Variants in PRDM6 observed in about 807,000 individuals in gnomAD.
PRDM6 encodes PR/SET domain 6.
A neutral mutation model predicts 60.8 loss-of-function variants in PRDM6; 25 were observed. That is an observed-to-expected ratio of 0.41 (90% confidence interval 0.30 to 0.57). The LOEUF (loss-of-function observed/expected upper bound fraction) is 0.57. PRDM6 is among the 20% of genes least tolerant of loss of function. The probability of loss-of-function intolerance (pLI) is 0.27; values close to 1 mark genes in which losing one functional copy is unlikely to be tolerated. For missense variants in PRDM6, 839 were observed against 821.3 expected (o/e 1.02, Z -0.26); for synonymous variants, 407 against 357.4 (o/e 1.14, Z -1.57).
chr5:123,097,348 G>A (rs1470064571), intron 2 of PRDM6, among the ~76,000 whole-genome samples: 1 of 152,172 alleles, frequency 6.6e-6, no homozygotes, highest in African/African-American at 2.4e-5. Flanking sequence ...TCATGAGTTT[G>A]AATGTTAAAT....
At chr5:123,164,785 C>T (rs955383202) in intron 5 of PRDM6, among the ~76,000 whole-genome samples, 1 of 152,100 alleles carries the variant, frequency 6.6e-6, no homozygotes, top group Non-Finnish European at 1.5e-5. Context: ...GTGCTCATTC[C>T]GACTGTTTGT....
chr5:123,136,177 C>A (rs1007394802), intron 3 of PRDM6, among the ~76,000 whole-genome samples: 1 of 152,094 alleles, frequency 6.6e-6, no homozygotes, highest in Non-Finnish European at 1.5e-5. Context: ...TATATTTCAA[C>A]CCCATCCCTC....
intron 3 of PRDM6, among the ~76,000 whole-genome samples, chr5:123,123,957 G>A (rs565503147): frequency 6.7e-6 from 1 of 149,872 alleles, no homozygotes; most frequent in Admixed American, 6.7e-5. Flanking sequence ...AAAAACTGGA[G>A]AATCCATGGT....
rs1763790002 is a variant in PRDM6, at chr5:123,090,246, T to G, written c.232T>G (p.Ser78Ala). The change falls in exon 2 of 8, where the codon TCC (serine) becomes GCC (alanine). Residue 78 changes from serine (S) to alanine (A), a missense_variant. Ser to Ala is a moderately conservative substitution (Grantham distance 99). This residue lies in a region of PRDM6 where 730 missense variants were observed against 648.8 expected (regional missense o/e 1.13). Transcript: ENST00000407847. ...SLRPRPASLSSASSTPASSST... is the reference protein window; with the variant it reads ...SLRPRPASLSAASSTPASSST... ...GCGCCCGCGGCCCGCCTCTCTCTCC[T>G]CCGCCTCGTCCACGCCGGCTTCCTC... The G allele has an allele frequency of 1.3e-6, 2 of 1,485,072 alleles. No individual in the cohort carries two copies. The highest frequency in any genetic ancestry group is 2.3e-5 in the Admixed American group (1 of 44,160). 92.0% of individuals were successfully genotyped at this position (1,485,072 alleles called of 1,614,324 possible).
At chr5:123,151,636 C>G (rs1447038728) in intron 3 of PRDM6, among the ~76,000 whole-genome samples, 1 of 152,124 alleles carries the variant, frequency 6.6e-6, no homozygotes, top group Non-Finnish European at 1.5e-5. Context: ...AGGTCCCTTC[C>G]AAATCTGATT....
In PRDM6 at chr5:123,159,665, CA is replaced by C. The variant is rs1561865032; in HGVS notation, c.1153+28del. 2.6e-6 allele frequency: 4 copies of C among 1,548,682 alleles called. No homozygotes were observed. The South Asian group carries it at 4.8e-5, about 19-fold the overall frequency. On this transcript the variant is annotated intron_variant, in intron 5 of 7. Transcript: ENST00000407847. Reference sequence around the variant, plus strand: ...TAAGAATTTATTTTAGCTCTGAATTCACATTTCAATATACCTATTTCAAAGC... The same window carrying C: ...TAAGAATTTATTTTAGCTCTGAATTCCATTTCAATATACCTATTTCAAAGC...
chr5:123,166,230 C>T (rs1336996054), intron 5 of PRDM6, among the ~76,000 whole-genome samples: 1 of 152,146 alleles, frequency 6.6e-6, no homozygotes, highest in Non-Finnish European at 1.5e-5. Context: ...GCCCTGAGCT[C>T]CTTCCTACTT....
intron 3 of PRDM6, among the ~76,000 whole-genome samples, chr5:123,153,954 G>T (rs905870706): frequency 2.0e-5 from 3 of 152,150 alleles, no homozygotes; most frequent in African/African-American, 7.2e-5. Flanking sequence ...CTTGAGGGAA[G>T]GGAGGGTAGG....
chr5:123,150,083 G>A (rs1453791111), intron 3 of PRDM6, among the ~76,000 whole-genome samples: 1 of 152,130 alleles, frequency 6.6e-6, no homozygotes, highest in East Asian at 1.9e-4. Flanking sequence ...GGCTGGCTAT[G>A]TTCTTTGAGC....
At chr5:123,135,489 A>G (rs976365098) in intron 3 of PRDM6, among the ~76,000 whole-genome samples, 2 of 152,212 alleles carry the variant, frequency 1.3e-5, no homozygotes, top group Non-Finnish European at 2.9e-5. Context: ...GGCTGAGCTC[A>G]GCTTTGTATT....
chr5:123,113,066 G>A (rs1332730849), intron 3 of PRDM6, among the ~76,000 whole-genome samples: 1 of 151,986 alleles, frequency 6.6e-6, no homozygotes, highest in Admixed American at 6.6e-5. Context: ...AAAAATTGAA[G>A]GACGTTAGTG....
At chr5:123,100,079 GC>G in intron 3 of PRDM6, 118 bp downstream of exon 3, 1 of 1,079,564 alleles carries the variant, frequency 9.3e-7, no homozygotes, top group Non-Finnish European at 1.3e-6. Context: ...GCCTCCCTTG[GC>G]CCCCAGAGGG....
chr5:123,161,662 C>CGGCTGAGT (rs1188138186), intron 5 of PRDM6, among the ~76,000 whole-genome samples: 3 of 152,066 alleles, frequency 2.0e-5, no homozygotes, highest in African/African-American at 4.8e-5. Flanking sequence ...AGCATGGGTG[C>CGGCTGAGT]GGCTGAGTGA....
At chr5:123,092,288 A>G (rs1197540412) in intron 2 of PRDM6, among the ~76,000 whole-genome samples, 7 of 152,220 alleles carry the variant, frequency 4.6e-5, no homozygotes, top group Admixed American at 4.6e-4. Flanking sequence ...ACTGCCTTGG[A>G]AAAGGTATGT....
chr5:123,125,265 C>T (rs535223315), intron 3 of PRDM6, among the ~76,000 whole-genome samples: 1 of 151,952 alleles, frequency 6.6e-6, no homozygotes, highest in East Asian at 1.9e-4. Flanking sequence ...CTCAGCTGGG[C>T]TTATAGTACA....
chr5:123,133,126 A>C (rs1412835287), intron 3 of PRDM6, among the ~76,000 whole-genome samples: 1 of 152,122 alleles, frequency 6.6e-6, no homozygotes, highest in Non-Finnish European at 1.5e-5. Context: ...ACAGTGTGAG[A>C]GGCCTGTGAA....
At chr5:123,137,750 G>A (rs1009654729) in intron 3 of PRDM6, among the ~76,000 whole-genome samples, 11 of 151,734 alleles carry the variant, frequency 7.2e-5, no homozygotes, top group African/African-American at 2.4e-4. Flanking sequence ...TAACAGACCT[G>A]CACGTTCTGC....
chr5:123,135,882 C>T (rs1173929754), intron 3 of PRDM6, among the ~76,000 whole-genome samples: 1 of 152,182 alleles, frequency 6.6e-6, no homozygotes, highest in Non-Finnish European at 1.5e-5. Flanking sequence ...TGGAGATCAA[C>T]ATAATCACTT....
chr5:123,170,782 G>T lies in PRDM6; in HGVS notation c.1170G>T (p.Thr390=). 7.1e-6 allele frequency: 11 copies of T among 1,550,282 alleles called. No individual in the cohort carries two copies. The highest frequency in any genetic ancestry group is 9.6e-6 in the Non-Finnish European group (11 of 1,146,064). The change falls in exon 6 of 8, where the codon ACG becomes ACT. Residue 390 remains threonine (T), a synonymous_variant. Transcript: ENST00000407847. ...AQDENLNVPS[T]VMEAMCRQDA... ...TTCTCCTAGTAAATGTCCCTTCAAC[G>T]GTAATGGAAGCCATGTGCAGACAAG...
Sources: allele counts gnomAD v4.1 joint callset (sites outside exome capture counted in the v4.1 genomes callset), GRCh38; gene constraint gnomAD v4.1.1; regional missense constraint gnomAD v4.1.1; transcripts MANE v1.5; gene names NCBI Gene and HGNC (gene_info 2026-07-23, HGNC 2026-07-21).